ATG2A: variants seen among roughly 807,000 people sequenced by gnomAD.
ATG2A encodes the protein autophagy-related protein 2 homolog A.
Under a neutral mutation model 214.2 loss-of-function variants are expected in ATG2A, and 103 were observed. That is an observed-to-expected ratio of 0.48 (90% confidence interval 0.41 to 0.57). ATG2A has a LOEUF of 0.57. ATG2A is among the 20% of genes least tolerant of loss of function. The pLI is 0.00. For missense variants in ATG2A, 2,312 were observed against 2,613.2 expected, an observed-to-expected ratio of 0.88 and a Z score of 2.51; for synonymous variants, 1,160 against 1,142.1, an observed-to-expected ratio of 1.02 and a Z score of -0.32.
At chr11:64,912,950 A>G in intron 6 of ATG2A, 88 bp downstream of exon 6, 1 of 966,206 alleles carries the variant, frequency 1.0e-6, no homozygotes, top group East Asian at 2.7e-5. Flanking sequence ...TGACATCCCC[A>G]CTGTGGGCTG....
Position 64,907,661 on chromosome 11 carries a change from G to C in ATG2A, c.2511C>G (p.Ile837Met). Residue 837 changes from isoleucine (I) to methionine (M), a missense_variant, in exon 18 of 41, where the codon ATC (isoleucine) becomes ATG (methionine). Ile to Met is a conservative substitution (Grantham distance 10). Coordinates refer to ENST00000377264, the MANE Select transcript of ATG2A (RefSeq NM_015104.3). ...GCTCCCACATGAGCAGGTCGTTGTTGATCCTGAGATAGGCGGGTGGACAGC... is the reference window on the plus strand; with the variant it reads ...GCTCCCACATGAGCAGGTCGTTGTTCATCCTGAGATAGGCGGGTGGACAGC... ...KEVYESIYNR[I>M]NNDLLMWEPA... 6.2e-7 allele frequency: 1 copy of C among 1,601,938 alleles called. No individual in the cohort carries two copies. Among genetic ancestry groups the C allele is most frequent in the African/African-American group, 1.3e-5 (1 of 74,914 alleles).
Position 64,903,133 on chromosome 11 carries a change from G to A in ATG2A, c.3612+155C>T, listed in dbSNP as rs976842185. 6.6e-6 allele frequency among the ~76,000 whole-genome samples: 1 copy of A among 152,166 alleles called. No individual in the cohort carries two copies. Among genetic ancestry groups the A allele is most frequent in the Non-Finnish European group, 1.5e-5 (1 of 68,010 alleles). On this transcript the variant is annotated intron_variant, in intron 26 of 40. Coordinates refer to ENST00000377264, the MANE Select transcript of ATG2A (RefSeq NM_015104.3). The surrounding 1 kb of genome is among the most constrained non-coding windows in gnomAD (Gnocchi z 4.2). ...GACACCCCCACCAGGGCTGTACTAT[G>A]GCCCTTTGCAGGAGGGGCGCTAACT...
At position 64,895,654 on chromosome 11, in the gene ATG2A, G is replaced by A. The variant is rs766518415; in HGVS notation, c.5428-212C>T. On this transcript the variant is annotated intron_variant, in intron 39 of 40. Coordinates refer to ENST00000377264, the MANE Select transcript of ATG2A (RefSeq NM_015104.3). This position sits in a 1 kb window ranked among gnomAD's most constrained non-coding sequence, Gnocchi z 5.0. ...CACTCTGCTGAGGGAACCTAGGAAC[G>A]TGGGACTCCTCAGGGGACTTTCCTA... 2.1e-4 allele frequency among the ~76,000 whole-genome samples: 32 copies of A among 152,124 alleles called. No homozygotes were observed. The highest frequency in any genetic ancestry group is 2.8e-4 in the Non-Finnish European group (19 of 67,998).
chr11:64,896,890 G>A (rs1457705438), intron 37 of ATG2A, 21 bp from the exon 38 acceptor site: 3 of 1,611,670 alleles, frequency 1.9e-6, no homozygotes, highest in South Asian at 2.2e-5. Flanking sequence ...AGGGAGGTGA[G>A]GAGGCAGAAG....
chr11:64,896,577 T>C lies in ATG2A; in HGVS notation c.5312A>G (p.Gln1771Arg). ...CATGAGGCGGCCATCCTTCCTGTACTGCTCAATGGGCAGCCACAGCAGGTC... is the reference window on the plus strand; with the variant it reads ...CATGAGGCGGCCATCCTTCCTGTACCGCTCAATGGGCAGCCACAGCAGGTC... ...FRDLLWLPIE[Q>R]YRKDGRLMRG... The change falls in exon 39 of 41, where the codon CAG becomes CGG. Residue 1771 changes from glutamine (Q) to arginine (R), a missense_variant. Transcript: ENST00000377264. 4 of 1,613,876 alleles carry C rather than the reference T, an allele frequency of 2.5e-6. No individual in the cohort carries two copies. The highest frequency in any genetic ancestry group is 3.4e-6 in the Non-Finnish European group (4 of 1,179,860).
In ATG2A at chr11:64,895,788, C is replaced by A. The variant is rs546125186; in HGVS notation, c.5428-346G>T. Among the ~76,000 whole-genome samples, 6 of 152,300 alleles carry A rather than the reference C, an allele frequency of 3.9e-5. No individual in the cohort carries two copies. Among genetic ancestry groups the A allele is most frequent in the African/African-American group, 1.4e-4 (6 of 41,562 alleles). ...ACTGACCGCTCCTTGCCTGGCCCCCCAGACGCCCCTGCCAGATGGTCAGAG... is the reference window on the plus strand; with the variant it reads ...ACTGACCGCTCCTTGCCTGGCCCCCAAGACGCCCCTGCCAGATGGTCAGAG... On this transcript the variant is annotated intron_variant, in intron 39 of 40. Transcript: ENST00000377264. The surrounding 1 kb of genome is among the most constrained non-coding windows in gnomAD (Gnocchi z 5.0).
chr11:64,911,963 A>T lies in ATG2A; in HGVS notation c.1107T>A (p.Ala369=), dbSNP rs200419437. The part of the protein sequence containing the change: ...LDNTDLFFSM[A]GLTSSVASAL... ...CTGAGGCCACACTGCTTGTGAGGCC[A>T]GCCATGGAGAAGAAGAGGTCTGTGG... is the stretch of plus-strand genomic sequence containing the variant. Residue 369 remains alanine (A), a synonymous_variant, in exon 9 of 41, where the codon GCT becomes GCA. Coordinates refer to ENST00000377264, the MANE Select transcript of ATG2A (RefSeq NM_015104.3). 21 of 1,613,796 alleles carry T rather than the reference A, an allele frequency of 1.3e-5. No homozygotes were observed. In the African/African-American group the frequency reaches 2.4e-4, roughly 18 times the overall value.
Position 64,898,711 on chromosome 11 carries a change from G to A in ATG2A, c.4596C>T (p.Leu1532=), listed in dbSNP as rs199641531. Residue 1532 remains leucine (L), a synonymous_variant, in exon 32 of 41, where the codon CTC becomes CTT. Coordinates refer to ENST00000377264, the MANE Select transcript of ATG2A (RefSeq NM_015104.3). The surrounding 1 kb of genome is among the most constrained non-coding windows in gnomAD (Gnocchi z 4.5). ...GGAACTTGTTGATCTGGGAGGAGGC[G>A]AGCCGGTCTCGGACCTCCAGCTCCT... ...IVQELEVRDR[L]ASSQINKFLY... 1,787 of 1,614,094 alleles carry A rather than the reference G, an allele frequency of 1.1e-3. 32 individuals are homozygous for A. In the South Asian group the frequency reaches 0.018, roughly 17 times the overall value.
At chr11:64,900,688 C>T (rs1456534540) in intron 30 of ATG2A, 59 bp from the exon 31 acceptor site, 20 of 1,511,932 alleles carry the variant, frequency 1.3e-5, no homozygotes, top group Non-Finnish European at 1.8e-5. Flanking sequence ...TCCCCGTCCT[C>T]AGCGGGCCTT....
chr11:64,902,265 G>A lies in ATG2A; in HGVS notation c.3899C>T (p.Pro1300Leu), dbSNP rs1479569484. 1.9e-6 allele frequency: 3 copies of A among 1,613,154 alleles called. No individual in the cohort carries two copies. Among genetic ancestry groups the A allele is most frequent in the Non-Finnish European group, 2.5e-6 (3 of 1,180,024 alleles). Residue 1300 changes from proline (P) to leucine (L), a missense_variant, in exon 28 of 41, where the codon CCT becomes CTT. By Grantham distance (98) the Pro-to-Leu change is moderately conservative. Transcript: ENST00000377264. Reference sequence around the variant, plus strand: ...CCACAGCACCCCCACTTCACCTGAAGGCTGGGCCAGCTCCCGTAGGCTGCG... The same window carrying A: ...CCACAGCACCCCCACTTCACCTGAAAGCTGGGCCAGCTCCCGTAGGCTGCG... The part of the protein sequence containing the change: ...TERSLRELAQ[P>L]SGGHLPQASP...
intron 24 of ATG2A, among the ~76,000 whole-genome samples, chr11:64,904,814 T>TTTTAA (rs147876073): frequency 1.5e-3 from 1 of 658 alleles, no homozygotes; most frequent in African/African-American, 1.7e-3. Flanking sequence ...TTTCTATATT[T>TTTTAA]TTTATCTATC....
chr11:64,895,449 G>C lies in ATG2A; in HGVS notation c.5428-7C>G. On this transcript the variant is annotated splice_polypyrimidine_tract_variant and splice_region_variant and intron_variant, in intron 39 of 40. Coordinates refer to ENST00000377264, the MANE Select transcript of ATG2A (RefSeq NM_015104.3). The surrounding 1 kb of genome is among the most constrained non-coding windows in gnomAD (Gnocchi z 5.0). The stretch of plus-strand genomic sequence containing the variant: ...ACACGGTCTCAGCTGTGGCCTGGGG[G>C]ACATGGGAGCACTGGATGAGGACAG... 1 of 1,560,862 alleles carries C rather than the reference G, an allele frequency of 6.4e-7. No individual in the cohort carries two copies. The highest frequency in any genetic ancestry group is 8.7e-7 in the Non-Finnish European group (1 of 1,151,466).
At chr11:64,907,232 C>T (rs1465707857) in intron 19 of ATG2A, 23 bp downstream of exon 19, 26 of 1,468,530 alleles carry the variant, frequency 1.8e-5, no homozygotes, top group Middle Eastern at 2.2e-4. Context: ...GTTTGGGGCC[C>T]GCCTGCCCGG....
chr11:64,917,091 C>A lies in ATG2A; in HGVS notation c.45G>T (p.Arg15=), dbSNP rs1211653806. Residue 15 remains arginine (R), a synonymous_variant, in exon 1 of 41, where the codon CGG becomes CGT. Coordinates refer to ENST00000377264, the MANE Select transcript of ATG2A (RefSeq NM_015104.3). ...AGTGGTGCAGCAAGTAGCGGCAGACCCGCTCTTTCACACAGTTTGACCATG... is the reference window on the plus strand; with the variant it reads ...AGTGGTGCAGCAAGTAGCGGCAGACACGCTCTTTCACACAGTTTGACCATG... ...LWPWSNCVKE[R]VCRYLLHHYL... is the part of the protein sequence containing the mutation. The A allele has an allele frequency of 6.2e-7, 1 of 1,613,200 alleles. No individual in the cohort carries two copies. Among genetic ancestry groups the A allele is most frequent in the Non-Finnish European group, 8.5e-7 (1 of 1,179,966 alleles).
chr11:64,910,216 G>A (rs766858287), intron 12 of ATG2A, 21 bp from the exon 13 acceptor site: 3 of 1,575,084 alleles, frequency 1.9e-6, no homozygotes, highest in Admixed American at 1.8e-5. Flanking sequence ...GGGCGTTCAG[G>A]TCAGTGAGGG....
rs1291195692 is a variant in ATG2A at position 64,897,707 on chromosome 11, C to T, written c.5031G>A (p.Leu1677=). Residue 1677 remains leucine, a synonymous_variant, in exon 36 of 41, where the codon CTG becomes CTA. Coordinates refer to ENST00000377264, the MANE Select transcript of ATG2A (RefSeq NM_015104.3). ...FRFTSEVPIW[L]DYHGKHVTMD... ...TCGTGACGTGCTTGCCATGGTAATC[C>T]AGCCAGATGGGGACCTCAGACGTGA... The T allele has an allele frequency of 1.1e-5, 17 of 1,614,238 alleles. No individual in the cohort carries two copies. The highest frequency in any genetic ancestry group is 3.3e-5 in the Admixed American group (2 of 60,034).
At chr11:64,909,977 C>A in intron 13 of ATG2A, 53 bp from the exon 14 acceptor site, 1 of 1,570,164 alleles carries the variant, frequency 6.4e-7, no homozygotes, top group African/African-American at 1.3e-5. Context: ...CCACTGTGAC[C>A]AAGAGCCGAA....
Position 64,902,630 on chromosome 11 carries a change from G to A in ATG2A, c.3663C>T (p.His1221=). 6.2e-7 allele frequency: 1 copy of A among 1,611,152 alleles called. No homozygotes were observed. Among genetic ancestry groups the A allele is most frequent in the African/African-American group, 1.3e-5 (1 of 74,966 alleles). Residue 1221 remains histidine, a synonymous_variant, in exon 27 of 41, where the codon CAC becomes CAT. Coordinates refer to ENST00000377264, the MANE Select transcript of ATG2A (RefSeq NM_015104.3). ...GCAGGGCACAGGAGTCGGCACAGCT[G>A]TGCACGTGTACCACATTGTTGGAGC... ...LRCSNNVVHV[H]SCADSCALLV... is the part of the protein sequence containing the mutation.
intron 1 of ATG2A, among the ~76,000 whole-genome samples, chr11:64,915,324 G>C (rs1476496869): frequency 1.3e-5 from 2 of 152,132 alleles, no homozygotes; most frequent in East Asian, 1.9e-4. Flanking sequence ...TCAGTAAACT[G>C]GTTGGATCCA....
Sources: gnomAD v4.1 joint callset for allele counts (sites outside exome capture counted in the v4.1 genomes callset) on GRCh38, gnomAD v4.1.1 for gene constraint, Gnocchi (gnomAD v3.1) non-coding constraint, MANE v1.5 for transcripts, NCBI Gene and HGNC (gene_info 2026-07-23, HGNC 2026-07-21) for gene names.